Variants in CDH4 observed in about 807,000 individuals in gnomAD.
CDH4 encodes cadherin 4, also known as cadherin-4.
In CDH4, 33 loss-of-function variants were observed where a neutral mutation model predicts 86.0. The ratio of observed to expected loss-of-function variants is 0.38; its 90% CI spans 0.29 to 0.51. The LOEUF is 0.51. Among genes scored for constraint, CDH4 ranks in the 20% least tolerant of loss-of-function variants. The probability of loss-of-function intolerance (pLI) is 0.86; values close to 1 mark genes in which losing one functional copy is unlikely to be tolerated. For synonymous variants in CDH4, 555 were observed against 549.4 expected, an observed-to-expected ratio of 1.01 and a Z score of -0.14; for missense variants, 1,114 against 1,307.4, an observed-to-expected ratio of 0.85 and a Z score of 2.28.
intron 2 of CDH4, among the ~76,000 whole-genome samples, chr20:61,610,821 C>T (rs1002508156): frequency 6.6e-6 from 1 of 152,140 alleles, no homozygotes; most frequent in African/African-American, 2.4e-5. Context: ...AGCCTGTGAC[C>T]CCTGCAGCCA....
chr20:61,344,053 G>T (rs2084663780), intron 2 of CDH4, among the ~76,000 whole-genome samples: 1 of 152,188 alleles, frequency 6.6e-6, no homozygotes, highest in Non-Finnish European at 1.5e-5. Context: ...AGACATAGGA[G>T]CGTGGTGAAG....
intron 6 of CDH4, among the ~76,000 whole-genome samples, chr20:61,872,835 C>T (rs1054640304): frequency 1.1e-4 from 17 of 152,226 alleles, no homozygotes; most frequent in Non-Finnish European, 1.2e-4. Context: ...CCGGGTACAG[C>T]GCTAGCACAG....
chr20:61,382,040 C>T (rs1480324336), intron 2 of CDH4, among the ~76,000 whole-genome samples: 1 of 152,062 alleles, frequency 6.6e-6, no homozygotes, highest in East Asian at 1.9e-4. Context: ...CATGCCACTG[C>T]ACTCCAGCCT....
chr20:61,920,007 ACAGTGATTGCGTGGAAGCG>A (rs2054952980), intron 9 of CDH4, among the ~76,000 whole-genome samples: 2 of 84,626 alleles, frequency 2.4e-5, no homozygotes, highest in African/African-American at 9.1e-5. Flanking sequence ...GTGTGGTGTC[ACAGTGATTGCGTGGAAGCG>A]TGTCGTGATT....
intron 2 of CDH4, among the ~76,000 whole-genome samples, chr20:61,565,197 TG>T (rs2086265802): frequency 4.0e-5 from 2 of 50,250 alleles, no homozygotes; most frequent in Admixed American, 2.0e-4. Flanking sequence ...GTCCTCTTGG[TG>T]GTGGTCGCGG....
In CDH4 at chr20:61,709,121, G is replaced by A. The variant is rs928522877; in HGVS notation, c.170-34442G>A. ...CCCCAAAGCCTCGGGTCCCAGTGGC[G>A]TAGCGGCCGCCCAAATGATGAGCCC... On this transcript the variant is annotated intron_variant, in intron 2 of 15. Coordinates refer to ENST00000614565, the MANE Select transcript of CDH4 (RefSeq NM_001794.5). This position sits in a 1 kb window ranked among gnomAD's most constrained non-coding sequence, Gnocchi z 4.8. 2.0e-5 allele frequency among the ~76,000 whole-genome samples: 3 copies of A among 152,138 alleles called. No homozygotes were observed. The highest frequency in any genetic ancestry group is 4.4e-5 in the Non-Finnish European group (3 of 68,026).
At chr20:61,445,567 C>T (rs921741076) in intron 2 of CDH4, among the ~76,000 whole-genome samples, 3 of 152,042 alleles carry the variant, frequency 2.0e-5, no homozygotes, top group African/African-American at 7.2e-5. Flanking sequence ...CTCCCCCTCT[C>T]CCCTCCCTTC....
At chr20:61,673,978 A>G (rs1227916769) in intron 2 of CDH4, among the ~76,000 whole-genome samples, 1 of 152,192 alleles carries the variant, frequency 6.6e-6, no homozygotes, top group East Asian at 1.9e-4. Flanking sequence ...CTTAACATAT[A>G]TCTTAAGAGA....
Position 61,929,832 on chromosome 20 carries a change from C to T in CDH4, c.2229C>T (p.Leu743=). 1.2e-6 allele frequency: 2 copies of T among 1,613,530 alleles called. No individual in the cohort carries two copies. The highest frequency in any genetic ancestry group is 1.3e-5 in the African/African-American group (1 of 75,072). The change falls in exon 13 of 16, where the codon CTC becomes CTT. Residue 743 remains leucine, a synonymous_variant. Transcript: ENST00000614565. The part of the protein sequence containing the change: ...GAIVAILICI[L]ILLTMVLLFV... ...TCGTGGCCATCCTCATCTGCATCCT[C>T]ATCCTGCTGAGTGAGTGTGGCTGAG...
intron 2 of CDH4, among the ~76,000 whole-genome samples, chr20:61,520,200 C>T (rs1321816604): frequency 2.6e-5 from 4 of 152,184 alleles, no homozygotes; most frequent in South Asian, 2.1e-4. Flanking sequence ...GTCTCCAAGG[C>T]GGGGTGATAG....
At chr20:61,685,007 C>A (rs937190664) in intron 2 of CDH4, among the ~76,000 whole-genome samples, 2 of 152,138 alleles carry the variant, frequency 1.3e-5, no homozygotes, top group Non-Finnish European at 2.9e-5. Flanking sequence ...TTACAGAGAG[C>A]AACTGTTGCT....
chr20:61,914,723 C>G (rs192290918), intron 9 of CDH4, among the ~76,000 whole-genome samples: 3 of 152,176 alleles, frequency 2.0e-5, no homozygotes, highest in African/African-American at 7.2e-5. Context: ...CACCCACAGG[C>G]GGGCTGGCAC....
chr20:61,600,584 C>T (rs1040898231), intron 2 of CDH4, among the ~76,000 whole-genome samples: 1 of 152,200 alleles, frequency 6.6e-6, no homozygotes, highest in Non-Finnish European at 1.5e-5. Flanking sequence ...AGGAAGCACT[C>T]AGCCAGCCAC....
intron 2 of CDH4, among the ~76,000 whole-genome samples, chr20:61,736,822 C>T (rs2088272160): frequency 6.6e-6 from 1 of 152,110 alleles, no homozygotes; most frequent in African/African-American, 2.4e-5. Flanking sequence ...CACAGAAACT[C>T]CATCCACAAC....
chr20:61,797,747 A>G (rs1979607606), intron 4 of CDH4, among the ~76,000 whole-genome samples: 1 of 152,200 alleles, frequency 6.6e-6, no homozygotes, highest in African/African-American at 2.4e-5. Context: ...TGATAGTGAC[A>G]CTGCACTCCA....
chr20:61,736,383 G>T (rs775388468), intron 2 of CDH4, among the ~76,000 whole-genome samples: 3 of 152,132 alleles, frequency 2.0e-5, no homozygotes, highest in Non-Finnish European at 4.4e-5. Context: ...TCCACGGAAG[G>T]GTCCTGTTAT....
At chr20:61,783,639 G>C (rs1978677771) in intron 4 of CDH4, among the ~76,000 whole-genome samples, 1 of 141,676 alleles carries the variant, frequency 7.1e-6, no homozygotes, top group South Asian at 2.4e-4. Flanking sequence ...TATAAGCCTA[G>C]TTCCTCGGGA....
intron 2 of CDH4, among the ~76,000 whole-genome samples, chr20:61,437,909 G>A (rs914857791): frequency 5.9e-5 from 9 of 152,150 alleles, no homozygotes; most frequent in African/African-American, 1.4e-4. Context: ...TCCAGGAATC[G>A]GGAAACGTTT....
intron 5 of CDH4, among the ~76,000 whole-genome samples, chr20:61,850,060 A>G (rs902788400): frequency 1.7e-4 from 26 of 152,340 alleles, no homozygotes; most frequent in African/African-American, 6.3e-4. Context: ...CCCTAAAGCC[A>G]GCCTGTAAAC....
Sources: allele counts gnomAD v4.1 joint callset (sites outside exome capture counted in the v4.1 genomes callset), GRCh38; gene constraint gnomAD v4.1.1; non-coding constraint Gnocchi (gnomAD v3.1); transcripts MANE v1.5; gene names NCBI Gene and HGNC (gene_info 2026-07-23, HGNC 2026-07-21).